Variants in PRR16 observed in about 807,000 individuals in gnomAD.
PRR16 encodes proline rich 16, also known as protein Largen.
Under a neutral mutation model 18.2 loss-of-function variants are expected in PRR16, and 6 were observed. That is an observed-to-expected ratio of 0.33 (90% CI 0.18 to 0.65). The LOEUF is 0.65. Among genes scored for constraint, PRR16 ranks in the 30% least tolerant of loss-of-function variants. The probability of loss-of-function intolerance (pLI) is 0.74; values close to 1 mark genes in which losing one functional copy is unlikely to be tolerated. For synonymous variants in PRR16, 151 were observed against 147.8 expected (o/e 1.02, Z -0.16); for missense variants, 412 against 376.6 (o/e 1.09, Z -0.78).
chr5:120,633,402 C>T (rs920735406), intron 1 of PRR16, among the ~76,000 whole-genome samples: 4 of 152,024 alleles, frequency 2.6e-5, no homozygotes, highest in Non-Finnish European at 2.9e-5. Flanking sequence ...ATGGCCTAAA[C>T]GCACCACTTA....
intron 1 of PRR16, among the ~76,000 whole-genome samples, chr5:120,585,675 T>A (rs1475828136): frequency 1.3e-5 from 2 of 151,388 alleles, no homozygotes; most frequent in African/African-American, 4.9e-5. Flanking sequence ...CTCCCCTAGA[T>A]AATGTAGCTT....
At chr5:120,583,870 C>G (rs1753352233) in intron 1 of PRR16, among the ~76,000 whole-genome samples, 1 of 152,066 alleles carries the variant, frequency 6.6e-6, no homozygotes. Flanking sequence ...CATTGGTACT[C>G]TAGGGAGTCA....
the PRR16 span, among the ~76,000 whole-genome samples, chr5:120,755,028 C>T: frequency 1.7e-5 from 2 of 121,114 alleles, no homozygotes; most frequent in African/African-American, 6.5e-5. Flanking sequence ...AAGTTTTTTT[C>T]ACTTCTTTCT....
At chr5:120,724,746 T>G in the PRR16 span, among the ~76,000 whole-genome samples, 6 of 152,080 alleles carry the variant, frequency 3.9e-5, no homozygotes, top group African/African-American at 1.2e-4. Context: ...TCCCGGACTT[T>G]CCTAGCACAA....
At chr5:120,475,982 T>C (rs935473311) in intron 1 of PRR16, among the ~76,000 whole-genome samples, 2 of 152,150 alleles carry the variant, frequency 1.3e-5, no homozygotes, top group African/African-American at 4.8e-5. Flanking sequence ...TAAGTCTTGT[T>C]GATTCTTGCT....
At chr5:120,486,157 A>T (rs1299620090) in intron 1 of PRR16, among the ~76,000 whole-genome samples, 4 of 152,206 alleles carry the variant, frequency 2.6e-5, no homozygotes, top group Non-Finnish European at 4.4e-5. Context: ...TCCTTTGGGT[A>T]TATACCCAGT....
chr5:120,726,703 G>T, the PRR16 span, among the ~76,000 whole-genome samples: 1 of 152,000 alleles, frequency 6.6e-6, no homozygotes, highest in East Asian at 1.9e-4. Flanking sequence ...TACTCATTTG[G>T]AATGTAGGAT....
chr5:120,514,422 G>A (rs983767143), intron 1 of PRR16, among the ~76,000 whole-genome samples: 1 of 152,096 alleles, frequency 6.6e-6, no homozygotes, highest in African/African-American at 2.4e-5. Flanking sequence ...ACATAGCCTG[G>A]CTGAGAGTTC....
At chr5:120,661,709 C>G (rs1179296939) in intron 1 of PRR16, among the ~76,000 whole-genome samples, 1 of 151,998 alleles carries the variant, frequency 6.6e-6, no homozygotes, top group Non-Finnish European at 1.5e-5. Context: ...CCTCTGCCAG[C>G]TGCTATATGG....
intron 1 of PRR16, among the ~76,000 whole-genome samples, chr5:120,679,882 G>A (rs546472939): frequency 2.8e-4 from 43 of 152,212 alleles, no homozygotes; most frequent in African/African-American, 9.6e-4. Flanking sequence ...CAAAGGATAC[G>A]AAATAGCAAA....
intron 1 of PRR16, among the ~76,000 whole-genome samples, chr5:120,677,442 A>G (rs1756834682): frequency 6.6e-6 from 1 of 152,290 alleles, no homozygotes; most frequent in Admixed American, 6.5e-5. Context: ...AGAAAGGTCA[A>G]ATAGTTAGGG....
At chr5:120,785,761 G>A in the PRR16 span, among the ~76,000 whole-genome samples, 169 of 150,864 alleles carry the variant, frequency 1.1e-3, 2 homozygotes, top group South Asian at 2.3e-3. Flanking sequence ...TAGTAGAGGC[G>A]GGGTTTCACC....
chr5:120,555,666 C>T (rs945319918), intron 1 of PRR16, among the ~76,000 whole-genome samples: 1 of 151,818 alleles, frequency 6.6e-6, no homozygotes, highest in Non-Finnish European at 1.5e-5. Context: ...AATGCTATCA[C>T]TTTGGGGTTA....
At chr5:120,588,885 T>G (rs1753539725) in intron 1 of PRR16, among the ~76,000 whole-genome samples, 1 of 152,120 alleles carries the variant, frequency 6.6e-6, no homozygotes. Flanking sequence ...TTAATTTCTC[T>G]AAGTCTCAAA....
chr5:120,510,715 ATCTACAGG>A (rs1750799734), intron 1 of PRR16, among the ~76,000 whole-genome samples: 1 of 152,196 alleles, frequency 6.6e-6, no homozygotes, highest in African/African-American at 2.4e-5. Flanking sequence ...AGATTGGAAT[ATCTACAGG>A]ATTTATGCTT....
the PRR16 span, among the ~76,000 whole-genome samples, chr5:120,757,336 T>A: frequency 6.6e-6 from 1 of 152,052 alleles, no homozygotes; most frequent in Admixed American, 6.6e-5. Context: ...TTGGATAGTT[T>A]TTCTAGTTCT....
At chr5:120,536,235 A>C (rs532302050) in intron 1 of PRR16, among the ~76,000 whole-genome samples, 1 of 152,124 alleles carries the variant, frequency 6.6e-6, no homozygotes, top group Non-Finnish European at 1.5e-5. Context: ...CTTAGTAACC[A>C]ATTGATTTAA....
chr5:120,582,748 A>T (rs1290835805), intron 1 of PRR16, among the ~76,000 whole-genome samples: 1 of 149,848 alleles, frequency 6.7e-6, no homozygotes. Context: ...GTTATTTTCA[A>T]ATAGTCTGTC....
chr5:120,530,271 ATATATATATATATT>A lies in PRR16; in HGVS notation c.159+65630_159+65643del, dbSNP rs1396249803. Among the ~76,000 whole-genome samples, 126 of 123,880 alleles carry A rather than the reference ATATATATATATATT, an allele frequency of 1.0e-3. 3 individuals carry two copies. The highest frequency in any genetic ancestry group is 4.2e-3 in the Middle Eastern group (1 of 238). The allele number at this position is 123,880 out of a possible 152,430, so 81.3% of individuals were successfully genotyped here. A position where few individuals can be genotyped will look rare whatever the true frequency, so the allele number is the denominator to read the frequency against. Reference sequence around the variant, plus strand: ...TGTGTGTAAATATATATATATATATATATATATATATATTTATTTATTTATTTATTTATTTATTT... The same window carrying A: ...TGTGTGTAAATATATATATATATATATATTTATTTATTTATTTATTTATTT... On this transcript the variant is annotated intron_variant, in intron 1 of 1. Coordinates refer to ENST00000407149, the MANE Select transcript of PRR16 (RefSeq NM_001300783.2).
Sources: gnomAD v4.1 joint callset for allele counts (sites outside exome capture counted in the v4.1 genomes callset) on GRCh38, gnomAD v4.1.1 for gene constraint, MANE v1.5 for transcripts, NCBI Gene and HGNC (gene_info 2026-07-23, HGNC 2026-07-21) for gene names.